The following ATP2C2 variants were observed in gnomAD, a reference collection of about 807,000 sequenced individuals.
ATP2C2 encodes ATPase secretory pathway Ca2+ transporting 2.
In ATP2C2, 171 loss-of-function variants were observed where a neutral mutation model predicts 110.8. The observed-to-expected ratio is 1.54, with a 90% CI of 1.36 to 1.75. The LOEUF (loss-of-function observed/expected upper bound fraction) is 1.75, where lower values mean the gene tolerates loss of function less well. ATP2C2 is among the 40% of genes most tolerant of loss of function. The probability of loss-of-function intolerance (pLI) is 0.00; values close to 1 mark genes in which losing one functional copy is unlikely to be tolerated. For missense variants in ATP2C2, 1,963 were observed against 1,235.0 expected (o/e 1.59, Z -8.84); for synonymous variants, 804 against 508.4 (o/e 1.58, Z -7.82).
chr16:84,441,507 C>G (rs563431413), intron 14 of ATP2C2, among the ~76,000 whole-genome samples: 1 of 152,188 alleles, frequency 6.6e-6, no homozygotes, highest in African/African-American at 2.4e-5. Flanking sequence ...GCTCCCTCCT[C>G]CCCATGTAGC....
intron 6 of ATP2C2, among the ~76,000 whole-genome samples, chr16:84,411,378 A>T (rs548278968): frequency 6.6e-6 from 1 of 152,338 alleles, no homozygotes; most frequent in South Asian, 2.1e-4. Context: ...GCCCTGTGTG[A>T]TAGAACTTGC....
intron 15 of ATP2C2, among the ~76,000 whole-genome samples, chr16:84,445,325 C>T (rs1037752274): frequency 6.6e-6 from 1 of 152,040 alleles, no homozygotes; most frequent in Admixed American, 6.5e-5. Context: ...TCTCCTGCCT[C>T]AGCCTCCCAA....
chr16:84,390,206 A>T (rs56321648), intron 1 of ATP2C2, among the ~76,000 whole-genome samples: 3,144 of 152,336 alleles, frequency 0.021, 91 homozygotes, highest in African/African-American at 0.07. Flanking sequence ...CAAGTTCGCA[A>T]TGAACCGAAT....
chr16:84,409,392 A>G (rs992291637), intron 4 of ATP2C2, among the ~76,000 whole-genome samples: 2 of 152,216 alleles, frequency 1.3e-5, no homozygotes, highest in African/African-American at 2.4e-5. Context: ...TGGCATATGT[A>G]TACCTATGTA....
intron 1 of ATP2C2, among the ~76,000 whole-genome samples, chr16:84,383,445 C>A (rs1910703087): frequency 6.6e-6 from 1 of 152,206 alleles, no homozygotes; most frequent in Non-Finnish European, 1.5e-5. Context: ...CATGTCTGGT[C>A]CGTAGTATGT....
In ATP2C2 at chr16:84,405,189, G is replaced by A. The variant is rs1905652054; in HGVS notation, c.272G>A (p.Trp91Ter). ...SVTQRRLAHG[W>*]NEFVADNSEP... ...ACGCAGCGCCGGCTGGCCCATGGCT[G>A]GAATGAGTTTGTTGCTGACAACAGC... Residue 91 changes from tryptophan to a stop codon, truncating the protein, a stop_gained, in exon 3 of 27, where the codon TGG (tryptophan) becomes TAG (stop). Coordinates refer to ENST00000262429, the MANE Select transcript of ATP2C2 (RefSeq NM_014861.4). LOFTEE classifies it high-confidence loss of function. The A allele has an allele frequency of 6.2e-7, 1 of 1,614,146 alleles. No individual in the cohort carries two copies. Among genetic ancestry groups the A allele is most frequent in the Admixed American group, 1.7e-5 (1 of 60,022 alleles).
chr16:84,449,579 G>C (rs1006586289), intron 17 of ATP2C2, among the ~76,000 whole-genome samples: 1 of 152,156 alleles, frequency 6.6e-6, no homozygotes, highest in African/African-American at 2.4e-5. Context: ...CTTGCCCTGA[G>C]CCTTGACTCT....
intron 20 of ATP2C2, among the ~76,000 whole-genome samples, 179 bp downstream of exon 20, chr16:84,453,550 T>A (rs11864903): frequency 0.46 from 69,813 of 151,578 alleles, 16,642 homozygotes; most frequent in East Asian, 0.59. Flanking sequence ...GGGGAGGAGG[T>A]TGAGCAGGGG....
intron 11 of ATP2C2, among the ~76,000 whole-genome samples, chr16:84,432,146 A>G (rs1407260103): frequency 1.3e-5 from 2 of 152,102 alleles, no homozygotes; most frequent in East Asian, 1.9e-4. Context: ...TTTCGGGAAC[A>G]GGTGGTGTTT....
chr16:84,372,166 G>A (rs1027030958), intron 1 of ATP2C2, among the ~76,000 whole-genome samples: 1 of 152,146 alleles, frequency 6.6e-6, no homozygotes, highest in African/African-American at 2.4e-5. Flanking sequence ...AGCAGTGGGG[G>A]ATCGTTGAAG....
At chr16:84,425,948 G>C in intron 11 of ATP2C2, 147 bp downstream of exon 11, 1 of 949,836 alleles carries the variant, frequency 1.1e-6, no homozygotes, top group Non-Finnish European at 1.7e-6. Context: ...CCTCCCAATA[G>C]CATGTTCTCC....
At chr16:84,409,279 T>C (rs1475879628) in intron 4 of ATP2C2, among the ~76,000 whole-genome samples, 5 of 152,080 alleles carry the variant, frequency 3.3e-5, no homozygotes, top group Non-Finnish European at 7.4e-5. Flanking sequence ...GTGGGGAACA[T>C]CACACACTCG....
At chr16:84,428,848 C>G (rs1205969487) in intron 11 of ATP2C2, among the ~76,000 whole-genome samples, 2 of 152,166 alleles carry the variant, frequency 1.3e-5, no homozygotes, top group African/African-American at 4.8e-5. Context: ...TTTAAACAAC[C>G]TATAAATGAG....
intron 17 of ATP2C2, among the ~76,000 whole-genome samples, chr16:84,451,505 C>T (rs1018218714): frequency 6.6e-6 from 1 of 152,184 alleles, no homozygotes; most frequent in African/African-American, 2.4e-5. Flanking sequence ...TTGCCTGAGC[C>T]CTCTGCAGAC....
chr16:84,459,113 C>T lies in ATP2C2; in HGVS notation c.2148-7C>T, dbSNP rs769949963. On this transcript the variant is annotated splice_polypyrimidine_tract_variant and splice_region_variant and intron_variant, in intron 21 of 26. Coordinates refer to ENST00000262429, the MANE Select transcript of ATP2C2 (RefSeq NM_014861.4). ...CTCCGTGAGTAAATGGCTCTCTTCT[C>T]TTGCAGGAATGCAGTGGAGGAAGGC... 2 of 1,613,964 alleles carry T rather than the reference C, an allele frequency of 1.2e-6. No homozygotes were observed. Among genetic ancestry groups the T allele is most frequent in the Non-Finnish European group, 1.7e-6 (2 of 1,180,020 alleles).
intron 1 of ATP2C2, among the ~76,000 whole-genome samples, chr16:84,377,661 G>T (rs1910326537): frequency 6.6e-6 from 1 of 152,070 alleles, no homozygotes; most frequent in African/African-American, 2.4e-5. Flanking sequence ...CCTCTTTAAA[G>T]GCCCCAGCTT....
At chr16:84,431,864 G>T (rs896753217) in intron 11 of ATP2C2, among the ~76,000 whole-genome samples, 3 of 152,170 alleles carry the variant, frequency 2.0e-5, no homozygotes, top group Non-Finnish European at 4.4e-5. Flanking sequence ...AAGGAAGTGG[G>T]AGGTGGGAGC....
intron 1 of ATP2C2, among the ~76,000 whole-genome samples, chr16:84,385,443 C>T (rs539239817): frequency 1.3e-5 from 2 of 152,148 alleles, no homozygotes; most frequent in Non-Finnish European, 1.5e-5. Flanking sequence ...AACACAGATC[C>T]AAACCATATC....
intron 1 of ATP2C2, among the ~76,000 whole-genome samples, chr16:84,380,950 G>A (rs1910544015): frequency 1.3e-5 from 2 of 152,182 alleles, no homozygotes; most frequent in African/African-American, 4.8e-5. Context: ...AGAGGCCGAG[G>A]CGGGCGGATC....
Sources: gnomAD v4.1 joint callset for allele counts (sites outside exome capture counted in the v4.1 genomes callset) on GRCh38, gnomAD v4.1.1 for gene constraint, MANE v1.5 for transcripts, NCBI Gene and HGNC (gene_info 2026-07-23, HGNC 2026-07-21) for gene names.